HPD: variants seen among roughly 807,000 people sequenced by gnomAD.
The protein encoded by HPD is 4-hydroxyphenylpyruvic acid oxidase.
A neutral mutation model predicts 56.9 loss-of-function variants in HPD; 35 were observed. The observed-to-expected ratio is 0.62, with a 90% CI of 0.47 to 0.82. The LOEUF (loss-of-function observed/expected upper bound fraction) is 0.82. HPD is among the 40% of genes least tolerant of loss of function. The pLI is 0.00. For synonymous variants in HPD, 186 were observed against 200.2 expected, an observed-to-expected ratio of 0.93 and a Z score of 0.60; for missense variants, 442 against 506.8, an observed-to-expected ratio of 0.87 and a Z score of 1.23.
intron 2 of HPD, among the ~76,000 whole-genome samples, chr12:121,858,405 G>A (rs1345896326): frequency 1.3e-5 from 2 of 152,020 alleles, no homozygotes; most frequent in African/African-American, 2.4e-5. Flanking sequence ...GGCTGGTCTC[G>A]AACTCCTGAC....
chr12:121,887,370 C>T, the HPD span, among the ~76,000 whole-genome samples: 8 of 151,754 alleles, frequency 5.3e-5, no homozygotes, highest in East Asian at 7.7e-4. Context: ...CTCTCTCTCT[C>T]GATAATGTTA....
chr12:121,886,114 T>G, the HPD span, among the ~76,000 whole-genome samples: 1 of 149,760 alleles, frequency 6.7e-6, no homozygotes, highest in East Asian at 2.0e-4. Context: ...ATTTAGTTTT[T>G]TTTTTTTTTT....
chr12:121,881,250 G>A, the HPD span, among the ~76,000 whole-genome samples: 1 of 152,162 alleles, frequency 6.6e-6, no homozygotes, highest in Non-Finnish European at 1.5e-5. Flanking sequence ...GTGGGTCTCT[G>A]CATCTTACTT....
the HPD span, among the ~76,000 whole-genome samples, chr12:121,873,465 T>C: frequency 6.6e-6 from 1 of 152,222 alleles, no homozygotes; most frequent in African/African-American, 2.4e-5. Context: ...TCTCCACCAC[T>C]GAGTTCTCCT....
intron 11 of HPD, among the ~76,000 whole-genome samples, chr12:121,845,393 G>A (rs966696208): frequency 8.0e-5 from 12 of 149,120 alleles, no homozygotes; most frequent in Admixed American, 3.3e-4. Flanking sequence ...TCAGGAGATC[G>A]AGACCATCCT....
At chr12:121,863,531 C>A (rs1878240742), upstream of HPD, 1 of 152,246 alleles carries the variant, frequency 6.6e-6, no homozygotes, top group African/African-American at 2.4e-5. Context: ...GACGTACTCA[C>A]CTTAGTAAGG....
the HPD span, among the ~76,000 whole-genome samples, chr12:121,870,838 C>T: frequency 6.6e-5 from 10 of 151,878 alleles, no homozygotes; most frequent in African/African-American, 1.7e-4. Flanking sequence ...TCAGTTGATC[C>T]GCCCGCCTCG....
At chr12:121,863,100 A>G (rs1878227175), upstream of HPD, among the ~76,000 whole-genome samples, 1 of 151,872 alleles carries the variant, frequency 6.6e-6, no homozygotes, top group Middle Eastern at 3.4e-3. Flanking sequence ...CTCCCGCCTC[A>G]GTCTCCCAAG....
the HPD span, among the ~76,000 whole-genome samples, chr12:121,875,551 A>G: frequency 2.0e-5 from 3 of 150,704 alleles, no homozygotes; most frequent in Non-Finnish European, 4.4e-5. Context: ...TCAGCCTCCC[A>G]AGTAGCTGGA....
intron 12 of HPD, 137 bp from the exon 13 acceptor site, chr12:121,840,185 C>A: frequency 1.4e-6 from 1 of 719,508 alleles, no homozygotes; most frequent in East Asian, 2.6e-5. Flanking sequence ...AAATATATCC[C>A]CAAACTGTCC....
At chr12:121,841,307 T>G (rs957057395) in intron 12 of HPD, among the ~76,000 whole-genome samples, 3 of 151,572 alleles carry the variant, frequency 2.0e-5, no homozygotes, top group Non-Finnish European at 2.9e-5. Context: ...AGGCTGGAGG[T>G]TGCAATGGGC....
intron 5 of HPD, 66 bp downstream of exon 5, chr12:121,856,517 G>C: frequency 1.9e-6 from 3 of 1,599,786 alleles, no homozygotes; most frequent in South Asian, 2.2e-5. Context: ...GGAGCCATGC[G>C]TCCACCCTCC....
intron 12 of HPD, 62 bp from the exon 13 acceptor site, chr12:121,840,110 C>A: frequency 2.7e-6 from 3 of 1,100,506 alleles, no homozygotes; most frequent in Non-Finnish European, 2.8e-6. Flanking sequence ...TTGGAAAGTC[C>A]ACAGGGGCTC....
intron 2 of HPD, among the ~76,000 whole-genome samples, chr12:121,858,393 C>G (rs776667766): frequency 2.0e-5 from 3 of 152,086 alleles, no homozygotes; most frequent in African/African-American, 7.2e-5. Context: ...TCATGTTGAC[C>G]AGGCTGGTCT....
At chr12:121,853,094 A>G (rs1877865119) in intron 7 of HPD, among the ~76,000 whole-genome samples, 1 of 152,168 alleles carries the variant, frequency 6.6e-6, no homozygotes, top group Non-Finnish European at 1.5e-5. Context: ...CAAACACTGC[A>G]TGTTCTCACT....
At chr12:121,876,332 G>A in the HPD span, among the ~76,000 whole-genome samples, 1 of 152,116 alleles carries the variant, frequency 6.6e-6, no homozygotes, top group Non-Finnish European at 1.5e-5. Flanking sequence ...ATAAAAACTG[G>A]CCCACAAACT....
intron 3 of HPD, 91 bp from the exon 4 acceptor site, chr12:121,857,523 C>T: frequency 9.5e-7 from 1 of 1,056,582 alleles, no homozygotes; most frequent in Non-Finnish European, 1.5e-6. Flanking sequence ...CCTCAGCCTG[C>T]CTGCCCTATT....
intron 11 of HPD, among the ~76,000 whole-genome samples, chr12:121,844,093 C>T (rs1490313786): frequency 6.6e-6 from 1 of 152,062 alleles, no homozygotes; most frequent in Non-Finnish European, 1.5e-5. Context: ...CTCTGTTGCC[C>T]AGGCTGGAGT....
chr12:121,884,052 T>G, the HPD span, among the ~76,000 whole-genome samples: 3 of 152,160 alleles, frequency 2.0e-5, no homozygotes, highest in African/African-American at 7.2e-5. Context: ...TAATTTAATA[T>G]AAAGTTCATA....
Sources: gnomAD v4.1 joint callset for allele counts (sites outside exome capture counted in the v4.1 genomes callset) on GRCh38, gnomAD v4.1.1 for gene constraint, MANE v1.5 for transcripts, NCBI Gene and HGNC (gene_info 2026-07-23, HGNC 2026-07-21) for gene names.